SUMF1: variants seen among roughly 807,000 people sequenced by gnomAD.
SUMF1 encodes sulfatase modifying factor 1.
In SUMF1, 48 loss-of-function variants were observed where a neutral mutation model predicts 47.6. The ratio of observed to expected loss-of-function variants is 1.01; its 90% CI spans 0.80 to 1.28. The LOEUF (loss-of-function observed/expected upper bound fraction) is 1.28. Ranked by LOEUF, SUMF1 falls within the 50% of genes most tolerant of loss-of-function variation. The pLI is 0.00. For synonymous variants in SUMF1, 230 were observed against 192.1 expected (o/e 1.20, Z -1.63); for missense variants, 571 against 485.4 (o/e 1.18, Z -1.66).
chr3:4,122,185 G>T (rs1693560496), intron 8 of SUMF1, among the ~76,000 whole-genome samples: 1 of 152,002 alleles, frequency 6.6e-6, no homozygotes, highest in African/African-American at 2.4e-5. Flanking sequence ...TTCACAATAA[G>T]CAAAAGGTAG....
intron 8 of SUMF1, among the ~76,000 whole-genome samples, chr3:4,211,560 G>T (rs1393336713): frequency 6.6e-6 from 1 of 151,992 alleles, no homozygotes; most frequent in Non-Finnish European, 1.5e-5. Context: ...AGGTAAGGAA[G>T]ATTACTTAAA....
chr3:4,231,148 C>A (rs1696289845), intron 8 of SUMF1, among the ~76,000 whole-genome samples: 1 of 152,102 alleles, frequency 6.6e-6, no homozygotes, highest in African/African-American at 2.4e-5. Context: ...GAACTGACTA[C>A]AGAGCTGGCC....
intron 8 of SUMF1, chr3:4,316,246 G>C: frequency 1.3e-6 from 1 of 760,264 alleles, no homozygotes; most frequent in East Asian, 2.7e-5. Context: ...AAGCAAATTC[G>C]AGCAATTTTC....
rs1217957802 is a variant in SUMF1 at position 4,274,969 on chromosome 3, G to A, written c.1014+101361C>T. Among the ~76,000 whole-genome samples, 4 of 152,170 alleles carry A rather than the reference G, an allele frequency of 2.6e-5. No homozygotes were observed. In the South Asian group the frequency reaches 8.3e-4, roughly 31 times the overall value. On this transcript the variant is annotated intron_variant and NMD_transcript_variant, in intron 8 of 12. Coordinates refer to the SUMF1 transcript ENST00000448413. ...AGTCCAAATGTCAAACAGGCCTGATGAAGCCCTGATCACACCAGAGGGCAT... is the reference window on the plus strand; with the variant it reads ...AGTCCAAATGTCAAACAGGCCTGATAAAGCCCTGATCACACCAGAGGGCAT...
chr3:4,405,601 T>A (rs556589681), intron 7 of SUMF1, among the ~76,000 whole-genome samples: 3 of 152,150 alleles, frequency 2.0e-5, no homozygotes, highest in Non-Finnish European at 4.4e-5. Context: ...TTGCCCAGGC[T>A]GGTCTCAAAC....
At position 4,369,621 on chromosome 3, in the gene SUMF1, T is replaced by C. The variant is rs188266779; in HGVS notation, c.1014+6709A>G. On this transcript the variant is annotated intron_variant, in intron 8 of 8. Coordinates refer to ENST00000272902, the MANE Select transcript of SUMF1 (RefSeq NM_182760.4). ...CGCTTTTTTAGAAGGCAAAAATTGA[T>C]GTGGATGAGATTTCCATGATCATGG... is the stretch of plus-strand genomic sequence containing the variant. Among the ~76,000 whole-genome samples the C allele has an allele frequency of 1.1e-4, 16 of 152,328 alleles. No homozygotes were observed. In the East Asian group the frequency reaches 2.5e-3, roughly 24 times the overall value.
chr3:4,408,478 T>C (rs1180376601), intron 7 of SUMF1, among the ~76,000 whole-genome samples: 6 of 152,176 alleles, frequency 3.9e-5, no homozygotes, highest in Non-Finnish European at 8.8e-5. Context: ...AAGATGTGGC[T>C]AGAGGGATCA....
chr3:4,244,791 C>T (rs917385501), intron 8 of SUMF1, among the ~76,000 whole-genome samples: 1 of 152,028 alleles, frequency 6.6e-6, no homozygotes, highest in Admixed American at 6.6e-5. Flanking sequence ...TGAATGTTGG[C>T]CTGCCTTGCT....
At chr3:4,303,648 G>C (rs777287432) in intron 8 of SUMF1, 35 of 1,431,218 alleles carry the variant, frequency 2.4e-5, no homozygotes, top group South Asian at 1.0e-4. Flanking sequence ...CAGCGCACCC[G>C]TTGGTGCGCG....
chr3:4,195,191 A>G (rs1695402215), intron 8 of SUMF1, among the ~76,000 whole-genome samples: 1 of 152,086 alleles, frequency 6.6e-6, no homozygotes. Flanking sequence ...GAAACATATC[A>G]TATTTTGTCT....
intron 8 of SUMF1, among the ~76,000 whole-genome samples, chr3:4,139,229 T>C (rs934471589): frequency 2.6e-5 from 4 of 152,048 alleles, no homozygotes; most frequent in African/African-American, 7.2e-5. Context: ...ACTGACATCA[T>C]TGACAAAAGA....
intron 8 of SUMF1, among the ~76,000 whole-genome samples, chr3:4,267,065 G>T (rs201880585): frequency 7.9e-5 from 12 of 152,284 alleles, no homozygotes; most frequent in African/African-American, 2.9e-4. Context: ...TTGCATCCCA[G>T]GGATGAAGCC....
intron 3 of SUMF1, among the ~76,000 whole-genome samples, chr3:4,421,198 G>C (rs1004349482): frequency 6.6e-6 from 1 of 152,182 alleles, no homozygotes. Context: ...TCATGGCTCT[G>C]CTGTTCACGG....
At chr3:4,368,401 A>G (rs1294320939) in intron 8 of SUMF1, among the ~76,000 whole-genome samples, 5 of 152,250 alleles carry the variant, frequency 3.3e-5, no homozygotes, top group African/African-American at 9.6e-5. Context: ...ACTGTAAACT[A>G]GTTCAACCAT....
chr3:4,126,291 C>T (rs1197790651), intron 8 of SUMF1, among the ~76,000 whole-genome samples: 2 of 151,270 alleles, frequency 1.3e-5, no homozygotes, highest in South Asian at 2.1e-4. Flanking sequence ...GCTTGTTCTA[C>T]TTATTCAAGT....
intron 8 of SUMF1, among the ~76,000 whole-genome samples, chr3:4,140,560 G>A (rs1051112063): frequency 2.0e-5 from 3 of 151,910 alleles, no homozygotes; most frequent in Non-Finnish European, 4.4e-5. Flanking sequence ...GGAAACATTT[G>A]ACTTTATCCT....
intron 8 of SUMF1, among the ~76,000 whole-genome samples, chr3:4,158,814 G>C (rs1379001404): frequency 6.6e-6 from 1 of 151,008 alleles, no homozygotes; most frequent in Non-Finnish European, 1.5e-5. Flanking sequence ...GCTCTTTTTT[G>C]GTTTCCATTT....
At chr3:4,109,198 G>A (rs1693231320) in intron 8 of SUMF1, among the ~76,000 whole-genome samples, 1 of 151,990 alleles carries the variant, frequency 6.6e-6, no homozygotes, top group Admixed American at 6.5e-5. Context: ...TAGTTTGGCT[G>A]GATATGAAAT....
chr3:4,433,875 T>A (rs1388803732), intron 3 of SUMF1, among the ~76,000 whole-genome samples: 2 of 152,160 alleles, frequency 1.3e-5, no homozygotes, highest in Non-Finnish European at 2.9e-5. Flanking sequence ...CACTGATGGA[T>A]AACAGACCTC....
Sources: allele counts gnomAD v4.1 joint callset (sites outside exome capture counted in the v4.1 genomes callset), GRCh38; gene constraint gnomAD v4.1.1; transcripts MANE v1.5; gene names NCBI Gene and HGNC (gene_info 2026-07-23, HGNC 2026-07-21).